Variants in ABCB11 observed in about 807,000 individuals in gnomAD.
The protein encoded by ABCB11 is ATP binding cassette subfamily B member 11.
Under a neutral mutation model 148.0 loss-of-function variants are expected in ABCB11, and 95 were observed. The ratio of observed to expected loss-of-function variants is 0.64; its 90% CI spans 0.54 to 0.76. ABCB11 has a LOEUF of 0.76. ABCB11 is among the 30% of genes least tolerant of loss of function. The pLI is 0.00. For synonymous variants in ABCB11, 591 were observed against 555.4 expected, an observed-to-expected ratio of 1.06 and a Z score of -0.90; for missense variants, 1,523 against 1,617.8, an observed-to-expected ratio of 0.94 and a Z score of 1.01.
chr2:169,021,482 G>A (rs574533501), intron 1 of ABCB11, among the ~76,000 whole-genome samples: 1 of 152,172 alleles, frequency 6.6e-6, no homozygotes, highest in East Asian at 1.9e-4. Flanking sequence ...TCAATTATTG[G>A]ATTGTATATA....
At chr2:168,938,367 C>A (rs1285777536) in intron 21 of ABCB11, among the ~76,000 whole-genome samples, 1 of 152,146 alleles carries the variant, frequency 6.6e-6, no homozygotes, top group Non-Finnish European at 1.5e-5. Flanking sequence ...CTGACACATA[C>A]TATAGCATAG....
chr2:168,950,252 A>G (rs1692503669), intron 19 of ABCB11, among the ~76,000 whole-genome samples: 1 of 151,432 alleles, frequency 6.6e-6, no homozygotes, highest in Admixed American at 6.6e-5. Context: ...ATGGATATAT[A>G]TCCTATTAGT....
intron 5 of ABCB11, among the ~76,000 whole-genome samples, chr2:169,012,959 A>C (rs1293420253): frequency 6.6e-6 from 1 of 152,094 alleles, no homozygotes; most frequent in Non-Finnish European, 1.5e-5. Flanking sequence ...AGTAAAATTC[A>C]TGGGTCACCT....
At chr2:168,944,052 A>G (rs1238079842) in intron 21 of ABCB11, among the ~76,000 whole-genome samples, 1 of 151,970 alleles carries the variant, frequency 6.6e-6, no homozygotes, top group African/African-American at 2.4e-5. Flanking sequence ...CCCTTGAACA[A>G]GGCTGTAGGT....
At position 169,016,732 on chromosome 2, in the gene ABCB11, G is replaced by C. The variant is rs1419976300; in HGVS notation, c.98+46C>G. On this transcript the variant is annotated intron_variant, in intron 3 of 27. Coordinates refer to ENST00000650372, the MANE Select transcript of ABCB11 (RefSeq NM_003742.4). ...TTGTGCCTTTGATATGAATATTATG[G>C]AGTTATTCTAGAAAAGATGCTGCAT... The C allele has an allele frequency of 3.3e-6, 5 of 1,518,490 alleles. No individual in the cohort carries two copies. In the Admixed American group the frequency reaches 6.9e-5, roughly 21 times the overall value. The allele number at this position is 1,518,490 out of a possible 1,614,324, so 94.1% of individuals were successfully genotyped here.
At chr2:168,930,633 G>A (rs948736942) in intron 25 of ABCB11, 32 bp downstream of exon 25, 1 of 1,463,434 alleles carries the variant, frequency 6.8e-7, no homozygotes, top group Non-Finnish European at 9.1e-7. Flanking sequence ...CTCTGCAGAA[G>A]GCAAAATTCT....
intron 10 of ABCB11, among the ~76,000 whole-genome samples, chr2:168,981,635 A>G (rs967913729): frequency 2.6e-5 from 4 of 152,128 alleles, no homozygotes; most frequent in African/African-American, 9.7e-5. Flanking sequence ...AACACTTCTT[A>G]TGGTCCAATT....
chr2:168,988,051 A>G (rs1694385243), intron 9 of ABCB11, among the ~76,000 whole-genome samples: 1 of 152,232 alleles, frequency 6.6e-6, no homozygotes, highest in African/African-American at 2.4e-5. Flanking sequence ...CAAGTATGCA[A>G]TGTGATGTTA....
chr2:168,963,414 C>G (rs1213934951), intron 18 of ABCB11, among the ~76,000 whole-genome samples: 1 of 151,450 alleles, frequency 6.6e-6, no homozygotes, highest in Non-Finnish European at 1.5e-5. Flanking sequence ...AATTTTCTAA[C>G]GAAGGGTGGT....
chr2:168,989,510 C>T (rs1050428046), intron 9 of ABCB11, among the ~76,000 whole-genome samples: 1 of 152,164 alleles, frequency 6.6e-6, no homozygotes, highest in Middle Eastern at 3.4e-3. Context: ...CAGTACCATG[C>T]TGTTTTTATT....
In ABCB11 at chr2:168,968,460, G is replaced by A. The variant is rs1240961419; in HGVS notation, c.2042C>T (p.Thr681Ile). ...ATCCTGGTAGCTCCCTCTGCTAAAG[G>A]TCCTCGCAAGCATGTCATCTTCAGT... ...DATEDDMLAR[T>I]FSRGSYQDSL... is the part of the protein sequence containing the mutation. The change falls in exon 17 of 28, where the codon ACC (threonine) becomes ATC (isoleucine). Residue 681 changes from threonine to isoleucine, a missense_variant. Transcript: ENST00000650372. 1.2e-6 allele frequency: 2 copies of A among 1,611,130 alleles called. No homozygotes were observed. Among genetic ancestry groups the A allele is most frequent in the South Asian group, 1.1e-5 (1 of 90,740 alleles).
intron 10 of ABCB11, among the ~76,000 whole-genome samples, chr2:168,984,565 T>A (rs1341128266): frequency 6.6e-6 from 1 of 152,200 alleles, no homozygotes; most frequent in Non-Finnish European, 1.5e-5. Flanking sequence ...TAACTCATTA[T>A]GTTTCACAAG....
At chr2:169,014,584 GA>G (rs1695297167) in intron 3 of ABCB11, among the ~76,000 whole-genome samples, 4 of 152,076 alleles carry the variant, frequency 2.6e-5, no homozygotes, top group Admixed American at 2.6e-4. Context: ...TCACAGAGAT[GA>G]ACACCTGAGA....
chr2:168,935,037 AC>A, intron 23 of ABCB11, 146 bp downstream of exon 23: 1 of 1,228,650 alleles, frequency 8.1e-7, no homozygotes, highest in Non-Finnish European at 1.1e-6. Context: ...CTGATGACCC[AC>A]AGAATCTTGA....
chr2:168,998,824 G>A (rs778731914), intron 5 of ABCB11, among the ~76,000 whole-genome samples: 2 of 151,976 alleles, frequency 1.3e-5, no homozygotes, highest in African/African-American at 4.8e-5. Flanking sequence ...TCACTCCTGC[G>A]GTGTCTCTGA....
chr2:168,976,742 C>T, intron 11 of ABCB11, 55 bp from the exon 12 acceptor site: 1 of 1,030,566 alleles, frequency 9.7e-7, no homozygotes, highest in Non-Finnish European at 1.5e-6. Context: ...ATGCACAACT[C>T]AATTCAAATT....
At position 168,922,770 on chromosome 2, in the gene ABCB11, A is replaced by G. The variant is rs140097009; in HGVS notation, c.*852T>C. Among the ~76,000 whole-genome samples the G allele has an allele frequency of 3.7e-4, 57 of 152,266 alleles. No individual in the cohort carries two copies. Among genetic ancestry groups the G allele is most frequent in the African/African-American group, 1.3e-3 (56 of 41,554 alleles). On this transcript the variant is annotated 3_prime_UTR_variant, in exon 28 of 28. Transcript: ENST00000650372. The stretch of plus-strand genomic sequence containing the variant: ...CTGCCATATTTACTTGCTTTTTTGT[A>G]TAAAACCTTATGAAACTACAGCAAA...
intron 19 of ABCB11, among the ~76,000 whole-genome samples, chr2:168,956,115 G>T (rs973904204): frequency 6.6e-6 from 1 of 151,736 alleles, no homozygotes. Context: ...GGGAAGCAAG[G>T]CATGTCTTCA....
At chr2:168,937,305 CT>C (rs1362173438) in intron 21 of ABCB11, among the ~76,000 whole-genome samples, 2 of 152,182 alleles carry the variant, frequency 1.3e-5, no homozygotes, top group Non-Finnish European at 2.9e-5. Flanking sequence ...AATAATGCTG[CT>C]ATGAACACTG....
Sources: gnomAD v4.1 joint callset for allele counts (sites outside exome capture counted in the v4.1 genomes callset) on GRCh38, gnomAD v4.1.1 for gene constraint, MANE v1.5 for transcripts, NCBI Gene and HGNC (gene_info 2026-07-23, HGNC 2026-07-21) for gene names.